NPAS3: variants seen among roughly 807,000 people sequenced by gnomAD.
NPAS3 encodes neuronal PAS domain protein 3.
In NPAS3, 14 loss-of-function variants were observed where a neutral mutation model predicts 73.1. That is an observed-to-expected ratio of 0.19 (90% CI 0.13 to 0.30). The LOEUF (loss-of-function observed/expected upper bound fraction) is 0.30. Ranked by LOEUF, NPAS3 falls within the 10% of genes least tolerant of loss-of-function variation. NPAS3 has a pLI of 1.00. For missense variants in NPAS3, 1,096 were observed against 1,250.0 expected (o/e 0.88, Z 1.86); for synonymous variants, 620 against 541.5 (o/e 1.14, Z -2.01).
rs1167694252 is a variant in NPAS3, at chr14:33,784,604, C to A, written c.1153+6032C>A. Among the ~76,000 whole-genome samples the A allele has an allele frequency of 3.3e-5, 5 of 151,990 alleles. No homozygotes were observed. In the East Asian group the frequency reaches 7.7e-4, roughly 23 times the overall value. On this transcript the variant is annotated intron_variant, in intron 9 of 11. Coordinates refer to ENST00000356141, the Ensembl canonical transcript of NPAS3. ...CAAACACATGATCTTTTCTGTCTCC[C>A]CAGAGAGCAAGCCAGAACTTTGATT...
At chr14:33,784,972 G>A (rs1444067091) in intron 9 of NPAS3, among the ~76,000 whole-genome samples, 2 of 150,680 alleles carry the variant, frequency 1.3e-5, no homozygotes, top group Non-Finnish European at 3.0e-5. Context: ...CTGGTCTCGA[G>A]CTCCCAACCT....
chr14:33,541,095 A>AGGGG (rs771119139), intron 4 of NPAS3, among the ~76,000 whole-genome samples: 1 of 57,110 alleles, frequency 1.8e-5, no homozygotes, highest in Admixed American at 2.2e-4. Context: ...GTATGTTTAG[A>AGGGG]GGTGTGTGTG....
At chr14:33,531,272 G>A (rs765389891) in intron 4 of NPAS3, among the ~76,000 whole-genome samples, 4 of 151,996 alleles carry the variant, frequency 2.6e-5, no homozygotes, top group Non-Finnish European at 4.4e-5. Context: ...ATTTTAACGT[G>A]TTTAAATTAA....
intron 2 of NPAS3, among the ~76,000 whole-genome samples, chr14:33,072,768 T>C (rs527467594): frequency 6.6e-6 from 1 of 152,324 alleles, no homozygotes; most frequent in Admixed American, 6.5e-5. Flanking sequence ...CTAGCAGAGC[T>C]GGCACTTTTA....
chr14:33,801,235 C>A, downstream of NPAS3: 1 of 1,451,478 alleles, frequency 6.9e-7, no homozygotes. Flanking sequence ...CCACGACGGT[C>A]CCCATTCCAC....
At chr14:32,946,880 T>C (rs1283074721) in intron 1 of NPAS3, among the ~76,000 whole-genome samples, 2 of 152,178 alleles carry the variant, frequency 1.3e-5, no homozygotes, top group Non-Finnish European at 2.9e-5. Context: ...ACAAAATTTT[T>C]AACCACCATC....
chr14:33,642,567 A>T (rs2140188810), intron 5 of NPAS3, among the ~76,000 whole-genome samples: 1 of 152,316 alleles, frequency 6.6e-6, no homozygotes, highest in Middle Eastern at 3.4e-3. Flanking sequence ...CTCAATCTAG[A>T]CACTTAGATT....
At chr14:33,640,743 G>A (rs1185209567) in intron 5 of NPAS3, among the ~76,000 whole-genome samples, 1 of 152,166 alleles carries the variant, frequency 6.6e-6, no homozygotes, top group Non-Finnish European at 1.5e-5. Flanking sequence ...AAATAATCTG[G>A]AAACCAGTGC....
chr14:33,191,198 A>T (rs556788609), intron 2 of NPAS3, among the ~76,000 whole-genome samples: 1 of 152,310 alleles, frequency 6.6e-6, no homozygotes, highest in Non-Finnish European at 1.5e-5. Flanking sequence ...CTTTAACCCG[A>T]AGGTGAGTTC....
chr14:33,094,884 G>A (rs1000749005), intron 2 of NPAS3, among the ~76,000 whole-genome samples: 12 of 152,134 alleles, frequency 7.9e-5, no homozygotes, highest in African/African-American at 2.9e-4. Context: ...TTAAATCTTG[G>A]TGCTTCCATG....
At chr14:33,433,808 T>C (rs922409439) in intron 4 of NPAS3, among the ~76,000 whole-genome samples, 4 of 152,236 alleles carry the variant, frequency 2.6e-5, no homozygotes, top group Admixed American at 2.0e-4. Flanking sequence ...GCATAACCAA[T>C]GTGAGCCATG....
chr14:33,363,268 A>G (rs1487301240), intron 3 of NPAS3, among the ~76,000 whole-genome samples: 3 of 152,166 alleles, frequency 2.0e-5, no homozygotes, highest in Admixed American at 6.5e-5. Flanking sequence ...GTTGCCTTTT[A>G]CTGCACTGAA....
At chr14:33,438,675 T>C (rs1594906981) in intron 4 of NPAS3, among the ~76,000 whole-genome samples, 1 of 152,218 alleles carries the variant, frequency 6.6e-6, no homozygotes, top group Non-Finnish European at 1.5e-5. Context: ...CTAGAATCCA[T>C]GCTCAGAATC....
At chr14:33,794,012 A>C in exon 10 of NPAS3, 1 of 1,613,588 alleles carries the variant, frequency 6.2e-7, no homozygotes, top group South Asian at 1.1e-5. Flanking sequence ...ATGCAAATGA[A>C]AAGAATATCA....
intron 4 of NPAS3, among the ~76,000 whole-genome samples, chr14:33,367,728 T>C (rs2045907981): frequency 6.6e-6 from 1 of 152,042 alleles, no homozygotes. Flanking sequence ...CCAATCTTAA[T>C]GTTTGCCTCC....
At chr14:33,060,087 A>G (rs2041041449) in intron 2 of NPAS3, among the ~76,000 whole-genome samples, 1 of 152,196 alleles carries the variant, frequency 6.6e-6, no homozygotes, top group South Asian at 2.1e-4. Flanking sequence ...AATATTGGGT[A>G]AGTCAGAGGA....
chr14:33,425,165 G>A (rs753048115), intron 4 of NPAS3, among the ~76,000 whole-genome samples: 1 of 152,024 alleles, frequency 6.6e-6, no homozygotes, highest in African/African-American at 2.4e-5. Flanking sequence ...GAGGATTATG[G>A]TGAGACCATG....
At chr14:33,643,988 C>T (rs1477782476) in intron 5 of NPAS3, among the ~76,000 whole-genome samples, 3 of 152,036 alleles carry the variant, frequency 2.0e-5, no homozygotes, top group Admixed American at 6.6e-5. Context: ...ACTCGAGATA[C>T]TTGATCTTTA....
chr14:33,461,508 A>G (rs1248195413), intron 4 of NPAS3, among the ~76,000 whole-genome samples: 1 of 152,234 alleles, frequency 6.6e-6, no homozygotes, highest in Admixed American at 6.5e-5. Context: ...TATGTTCACG[A>G]AAGGTTTTTA....
Sources: gnomAD v4.1 joint callset for allele counts (sites outside exome capture counted in the v4.1 genomes callset) on GRCh38, gnomAD v4.1.1 for gene constraint, MANE v1.5 for transcripts, NCBI Gene and HGNC (gene_info 2026-07-23, HGNC 2026-07-21) for gene names.